The following USP32 variants were observed in gnomAD, a reference collection of about 807,000 sequenced individuals.
The protein encoded by USP32 is ubiquitin carboxyl-terminal hydrolase 32.
A neutral mutation model predicts 204.8 loss-of-function variants in USP32; 59 were observed. That is an observed-to-expected ratio of 0.29 (90% confidence interval 0.23 to 0.36). The LOEUF is 0.36. Ranked by LOEUF, USP32 falls within the 10% of genes least tolerant of loss-of-function variation. The pLI is 1.00. For synonymous variants in USP32, 517 were observed against 678.4 expected (o/e 0.76, Z 3.70); for missense variants, 1,160 against 1,946.4 (o/e 0.60, Z 7.60).
At chr17:60,353,042 G>A (rs1375504321) in intron 1 of USP32, among the ~76,000 whole-genome samples, 2 of 152,220 alleles carry the variant, frequency 1.3e-5, no homozygotes, top group African/African-American at 4.8e-5. Context: ...GTTATGAAAT[G>A]AATGTATGTG....
chr17:60,181,184 TTC>T, intron 32 of USP32, 138 bp downstream of exon 32: 5 of 1,167,338 alleles, frequency 4.3e-6, no homozygotes, highest in Non-Finnish European at 4.8e-6. Context: ...AGGCCAAGAT[TTC>T]TGTGTTAACT....
intron 11 of USP32, among the ~76,000 whole-genome samples, chr17:60,248,555 CTCTT>C (rs755394255): frequency 6.6e-6 from 1 of 152,140 alleles, no homozygotes; most frequent in Non-Finnish European, 1.5e-5. Context: ...TCTTCTTTCT[CTCTT>C]TCTGATGAAA....
rs549366841 is a variant in USP32, at chr17:60,231,568, C to T, written c.1239+4570G>A. The stretch of plus-strand genomic sequence containing the variant: ...GCCCCACTCGTGGCAGTCCTGACGA[C>T]GATCCTCGAGGGCTGCTCTTGGCCT... On this transcript the variant is annotated intron_variant, in intron 12 of 33. Transcript: ENST00000300896. 51 of 518,022 alleles carry T rather than the reference C, an allele frequency of 9.8e-5. No homozygotes were observed. In the East Asian group the frequency reaches 2.1e-3, roughly 22 times the overall value. 32.1% of individuals were successfully genotyped at this position (518,022 alleles called of 1,614,324 possible). A position where few individuals can be genotyped will look rare whatever the true frequency, so the allele number is the denominator to read the frequency against.
At chr17:60,232,820 A>AATAG (rs147427178) in intron 12 of USP32, among the ~76,000 whole-genome samples, 5,273 of 152,086 alleles carry the variant, frequency 0.035, 303 homozygotes, top group African/African-American at 0.12. Flanking sequence ...GTGCTGGGAT[A>AATAG]ATAGGCGTGA....
At position 60,215,664 on chromosome 17, in the gene USP32, A is replaced by G. The variant is rs187239645; in HGVS notation, c.1868-890T>C. Among the ~76,000 whole-genome samples the G allele has an allele frequency of 3.6e-3, 541 of 152,288 alleles. 5 individuals carry two copies. The highest frequency in any genetic ancestry group is 0.022 in the South Asian group (104 of 4,818). On this transcript the variant is annotated intron_variant, in intron 16 of 33. Transcript: ENST00000300896. Reference sequence around the variant, plus strand: ...CAGTGGTACAACTGCACCAGAAAACATATGTATATCTATTACATATCAATT... The same window carrying G: ...CAGTGGTACAACTGCACCAGAAAACGTATGTATATCTATTACATATCAATT...
At chr17:60,270,340 A>G (rs1359491740) in intron 6 of USP32, among the ~76,000 whole-genome samples, 1 of 152,226 alleles carries the variant, frequency 6.6e-6, no homozygotes, top group Non-Finnish European at 1.5e-5. Flanking sequence ...GAATACAGAT[A>G]GTATATTCCC....
At chr17:60,312,201 A>T (rs1385776644) in intron 2 of USP32, among the ~76,000 whole-genome samples, 5 of 152,188 alleles carry the variant, frequency 3.3e-5, no homozygotes. Flanking sequence ...CTATCTCAGG[A>T]CAGAAGGCGG....
chr17:60,416,859 A>G (rs1301831854), intron 1 of USP32, among the ~76,000 whole-genome samples: 1 of 152,002 alleles, frequency 6.6e-6, no homozygotes, highest in Non-Finnish European at 1.5e-5. Flanking sequence ...ATATATATAC[A>G]CACACATGCA....
At chr17:60,208,922 A>C (rs2084896487) in intron 22 of USP32, 94 bp from the exon 23 acceptor site, 1 of 1,330,390 alleles carries the variant, frequency 7.5e-7, no homozygotes, top group Admixed American at 2.9e-5. Flanking sequence ...TATTGGATTT[A>C]AATGTAAAGA....
chr17:60,291,370 G>A (rs1034525704), intron 4 of USP32, among the ~76,000 whole-genome samples: 32 of 152,092 alleles, frequency 2.1e-4, no homozygotes, highest in African/African-American at 7.2e-4. Context: ...CCTAAAATAA[G>A]TCAGTGAGAA....
intron 1 of USP32, among the ~76,000 whole-genome samples, chr17:60,378,984 G>A (rs978369925): frequency 4.6e-5 from 7 of 152,092 alleles, no homozygotes; most frequent in African/African-American, 1.7e-4. Flanking sequence ...GAAGGTGGGG[G>A]AGAGCTATGT....
chr17:60,357,074 T>C (rs1348181862), intron 1 of USP32, among the ~76,000 whole-genome samples: 1 of 151,312 alleles, frequency 6.6e-6, no homozygotes, highest in Non-Finnish European at 1.5e-5. Flanking sequence ...GACAACAGAG[T>C]AAGACCTTAT....
Position 60,183,299 on chromosome 17 carries a change from T to C in USP32, c.3989A>G (p.Asp1330Gly), listed in dbSNP as rs1440375081. ...CQHKPLTPQG[D>G]ELSEPRILAR... ...CAGAATCCTGGGCTCAGAGAGCTCA[T>C]CCCCCTGGGGTGTGAGTGGTTTATG... Residue 1330 changes from aspartate (D) to glycine (G), a missense_variant, in exon 31 of 34, where the codon GAT becomes GGT. Asp to Gly is a moderately conservative substitution (Grantham distance 94). Around this residue, in one of 8 missense-constraint regions of USP32, gnomAD observed 244 missense variants for 342.3 expected, o/e 0.71. Coordinates refer to ENST00000300896, the MANE Select transcript of USP32 (RefSeq NM_032582.4). 6.2e-7 allele frequency: 1 copy of C among 1,613,930 alleles called. No homozygotes were observed. Among genetic ancestry groups the C allele is most frequent in the African/African-American group, 1.3e-5 (1 of 75,022 alleles).
intron 5 of USP32, among the ~76,000 whole-genome samples, chr17:60,283,688 T>C (rs1387195265): frequency 6.6e-6 from 1 of 151,654 alleles, no homozygotes; most frequent in East Asian, 1.9e-4. Flanking sequence ...TTTTTTTTAA[T>C]ACCTTTAGGT....
intron 5 of USP32, among the ~76,000 whole-genome samples, chr17:60,272,627 G>C (rs2086749160): frequency 6.6e-6 from 1 of 152,152 alleles, no homozygotes; most frequent in African/African-American, 2.4e-5. Flanking sequence ...ACTATTTCTA[G>C]AAATTAGAGA....
intron 1 of USP32, among the ~76,000 whole-genome samples, chr17:60,407,730 C>T (rs1033971777): frequency 1.8e-4 from 26 of 140,716 alleles, no homozygotes; most frequent in African/African-American, 6.1e-4. Flanking sequence ...TACAGTGAGC[C>T]GAGATTAAGC....
intron 1 of USP32, among the ~76,000 whole-genome samples, chr17:60,408,304 G>C (rs1320048941): frequency 6.6e-6 from 1 of 151,574 alleles, no homozygotes; most frequent in African/African-American, 2.4e-5. Flanking sequence ...GAGGAAAGAA[G>C]AAAAAAGAAC....
At chr17:60,200,357 T>A (rs947996015) in intron 26 of USP32, among the ~76,000 whole-genome samples, 2 of 151,594 alleles carry the variant, frequency 1.3e-5, no homozygotes, top group African/African-American at 4.9e-5. Context: ...AGGTCGGGAG[T>A]TCGAGACAGC....
intron 1 of USP32, among the ~76,000 whole-genome samples, chr17:60,378,584 T>C (rs1171782097): frequency 2.6e-5 from 4 of 152,146 alleles, no homozygotes; most frequent in Non-Finnish European, 1.5e-5. Context: ...AAACAAGATG[T>C]AGTATATACA....
Sources: gnomAD v4.1 joint callset for allele counts (sites outside exome capture counted in the v4.1 genomes callset) on GRCh38, gnomAD v4.1.1 for gene constraint, gnomAD v4.1.1 regional missense constraint, MANE v1.5 for transcripts, NCBI Gene and HGNC (gene_info 2026-07-23, HGNC 2026-07-21) for gene names.